The following SLC25A30 variants were observed in gnomAD, a reference collection of about 807,000 sequenced individuals.
SLC25A30 encodes the protein kidney mitochondrial carrier protein 1.
In SLC25A30, 29 loss-of-function variants were observed where a neutral mutation model predicts 42.7. The ratio of observed to expected loss-of-function variants is 0.68; its 90% CI spans 0.51 to 0.93. SLC25A30 has a LOEUF of 0.93. Ranked by LOEUF, SLC25A30 falls within the 40% of genes least tolerant of loss-of-function variation. The pLI is 0.00. For missense variants in SLC25A30, 300 were observed against 359.7 expected (o/e 0.83, Z 1.34); for synonymous variants, 124 against 131.0 (o/e 0.95, Z 0.37).
chr13:45,397,851 A>G, intron 8 of SLC25A30: 3 of 980,836 alleles, frequency 3.1e-6, no homozygotes, highest in Non-Finnish European at 3.6e-6. Context: ...CGAAGGATTG[A>G]ATGAACTCCA....
At position 45,394,710 on chromosome 13, in the gene SLC25A30, G is replaced by T; in HGVS notation, c.*1264C>A. ...AAAATAGAAAAAGAAAAAAAGAAGA[G>T]GGAGAATGACTTATTGTGTCTACAG... On this transcript the variant is annotated 3_prime_UTR_variant, in exon 10 of 10. Transcript: ENST00000519676. The T allele has an allele frequency of 1.0e-6, 1 of 984,954 alleles. No individual in the cohort carries two copies. The allele number at this position is 984,954 out of a possible 1,614,324, so 61.0% of individuals were successfully genotyped here.
the SLC25A30 span, among the ~76,000 whole-genome samples, chr13:45,428,153 A>AT: frequency 1.3e-5 from 2 of 151,382 alleles, no homozygotes; most frequent in Admixed American, 1.3e-4. Flanking sequence ...ATCCCTGGGC[A>AT]TTTTTTCTGC....
chr13:45,407,950 T>G (rs773835554), intron 3 of SLC25A30, among the ~76,000 whole-genome samples: 2 of 152,214 alleles, frequency 1.3e-5, no homozygotes, highest in Non-Finnish European at 2.9e-5. Context: ...CAGATCCTCA[T>G]CTAGTCTTCC....
the SLC25A30 span, among the ~76,000 whole-genome samples, chr13:45,423,678 T>A: frequency 2.0e-4 from 4 of 19,668 alleles, no homozygotes; most frequent in African/African-American, 1.3e-3. Context: ...AAATACATAT[T>A]TATATAAATA....
rs1185306084 is a variant in SLC25A30, at chr13:45,397,371, A to G, written c.754-33T>C. On this transcript the variant is annotated intron_variant, in intron 8 of 9. Transcript: ENST00000519676. ...AAGAAGAAAAAAAAGTTAACTTCCA[A>G]CTTTCTAATTATGCCAAATGCATTA... is the stretch of plus-strand genomic sequence containing the variant. 4.7e-6 allele frequency: 7 copies of G among 1,479,522 alleles called. No individual in the cohort carries two copies. The East Asian group carries it at 1.6e-4, about 33-fold the overall frequency. 91.6% of individuals were successfully genotyped at this position (1,479,522 alleles called of 1,614,324 possible). A position where few individuals can be genotyped will look rare whatever the true frequency, so the allele number is the denominator to read the frequency against.
At chr13:45,400,359 T>C (rs58052565) in intron 7 of SLC25A30, among the ~76,000 whole-genome samples, 7 of 150,374 alleles carry the variant, frequency 4.7e-5, no homozygotes, top group African/African-American at 1.5e-4. Flanking sequence ...GAGGTAGAGG[T>C]TGCAGTGAGC....
At chr13:45,416,363 G>T (rs1015028359) in intron 1 of SLC25A30, among the ~76,000 whole-genome samples, 1 of 151,648 alleles carries the variant, frequency 6.6e-6, no homozygotes, top group Non-Finnish European at 1.5e-5. Flanking sequence ...AGCTGAGACC[G>T]CACCACTGCA....
At chr13:45,417,029 T>C (rs1883592649) in intron 1 of SLC25A30, among the ~76,000 whole-genome samples, 1 of 152,186 alleles carries the variant, frequency 6.6e-6, no homozygotes, top group African/African-American at 2.4e-5. Context: ...TTTATTTATT[T>C]AGAGGCGGAG....
intron 2 of SLC25A30, among the ~76,000 whole-genome samples, chr13:45,410,604 G>C (rs1882923768): frequency 6.6e-6 from 1 of 151,902 alleles, no homozygotes; most frequent in African/African-American, 2.4e-5. Context: ...CTTGAGCTTG[G>C]GAGTCGAGAC....
At chr13:45,402,922 C>G (rs1882137457) in intron 5 of SLC25A30, 1 of 444,988 alleles carries the variant, frequency 2.2e-6, no homozygotes, top group Middle Eastern at 1.1e-3. Context: ...ATCCACATGA[C>G]CAAGATTCCA....
chr13:45,397,463 CG>C (rs1881462567), intron 8 of SLC25A30, 125 bp from the exon 9 acceptor site: 1 of 629,700 alleles, frequency 1.6e-6, no homozygotes, highest in Admixed American at 2.7e-5. Context: ...GAGGCCGAGG[CG>C]GGTGGATCAC....
intron 1 of SLC25A30, 124 bp downstream of exon 1, chr13:45,418,176 C>T (rs931007224): frequency 6.6e-6 from 1 of 152,518 alleles, no homozygotes; most frequent in Non-Finnish European, 1.5e-5. Context: ...CACAGGCAGC[C>T]CCGAGCACGC....
At chr13:45,396,416 T>A in intron 9 of SLC25A30, 1 of 927,036 alleles carries the variant, frequency 1.1e-6, no homozygotes, top group African/African-American at 1.7e-5. Context: ...CAGGAGCTGA[T>A]GAAGAGCAAC....
intron 5 of SLC25A30, 75 bp from the exon 6 acceptor site, chr13:45,402,445 C>G: frequency 4.2e-6 from 5 of 1,177,152 alleles, no homozygotes; most frequent in Non-Finnish European, 1.3e-6. Context: ...ATACCTCTGA[C>G]AGTCAGTCCG....
intron 1 of SLC25A30, among the ~76,000 whole-genome samples, chr13:45,413,812 CAA>C (rs1401863375): frequency 6.6e-6 from 1 of 152,146 alleles, no homozygotes; most frequent in Non-Finnish European, 1.5e-5. Context: ...CTTGGCCTCC[CAA>C]AGTGCTGGGA....
At chr13:45,408,456 C>G (rs1017091490) in intron 3 of SLC25A30, among the ~76,000 whole-genome samples, 1 of 152,176 alleles carries the variant, frequency 6.6e-6, no homozygotes, top group African/African-American at 2.4e-5. Context: ...TGACATGAGG[C>G]TGTCCACGTT....
chr13:45,397,512 G>A, intron 8 of SLC25A30, 174 bp from the exon 9 acceptor site: 1 of 494,790 alleles, frequency 2.0e-6, no homozygotes, highest in Non-Finnish European at 3.6e-6. Context: ...CTAATGCAGT[G>A]AAACCCTGTC....
rs1881222447 is a variant in SLC25A30 at position 45,395,266 on chromosome 13, AC to A, written c.*707del. The A allele has an allele frequency of 4.1e-6, 4 of 985,386 alleles. No individual in the cohort carries two copies. Among genetic ancestry groups the A allele is most frequent in the Non-Finnish European group, 3.6e-6 (3 of 830,058 alleles). The allele number at this position is 985,386 out of a possible 1,614,324, so 61.0% of individuals were successfully genotyped here. ...GACAGAACCTAAGCTGCTTGAAAACACCCCCCACCAATACAGACCTTGCAAC... is the reference window on the plus strand; with the variant it reads ...GACAGAACCTAAGCTGCTTGAAAACACCCCCACCAATACAGACCTTGCAAC... On this transcript the variant is annotated 3_prime_UTR_variant, in exon 10 of 10. Transcript: ENST00000519676.
the SLC25A30 span, among the ~76,000 whole-genome samples, chr13:45,429,662 C>G: frequency 6.6e-6 from 1 of 151,530 alleles, no homozygotes; most frequent in Non-Finnish European, 1.5e-5. Context: ...GAGACCCTGT[C>G]TCTACAAAAA....
Sources: allele counts gnomAD v4.1 joint callset (sites outside exome capture counted in the v4.1 genomes callset), GRCh38; gene constraint gnomAD v4.1.1; transcripts MANE v1.5; gene names NCBI Gene and HGNC (gene_info 2026-07-23, HGNC 2026-07-21).